The following KCNH7 variants were observed in gnomAD, a reference collection of about 807,000 sequenced individuals.
KCNH7 encodes potassium voltage-gated channel subfamily H member 7.
KCNH7 carries 49 observed loss-of-function variants against 120.8 expected under a neutral mutation model. That is an observed-to-expected ratio of 0.41 (90% CI 0.32 to 0.51). The LOEUF is 0.51. Among genes scored for constraint, KCNH7 ranks in the 20% least tolerant of loss-of-function variants. The pLI is 0.38. For missense variants in KCNH7, 1,097 were observed against 1,446.6 expected, an observed-to-expected ratio of 0.76 and a Z score of 3.92; for synonymous variants, 547 against 516.1, an observed-to-expected ratio of 1.06 and a Z score of -0.81.
intron 2 of KCNH7, among the ~76,000 whole-genome samples, chr2:162,834,015 T>C (rs2105623845): frequency 6.6e-6 from 1 of 152,210 alleles, no homozygotes; most frequent in East Asian, 1.9e-4. Context: ...CAAAAGTCAA[T>C]GGCATCAATA....
At chr2:162,419,609 G>C (rs888796768) in intron 9 of KCNH7, among the ~76,000 whole-genome samples, 8 of 152,010 alleles carry the variant, frequency 5.3e-5, no homozygotes, top group Non-Finnish European at 1.2e-4. Context: ...TGGGGGAGGA[G>C]GTGCTATTTT....
chr2:162,596,781 G>A (rs1694394303), intron 2 of KCNH7, among the ~76,000 whole-genome samples: 2 of 152,028 alleles, frequency 1.3e-5, no homozygotes, highest in Admixed American at 1.3e-4. Flanking sequence ...TATGGAATGG[G>A]AGAAAATATT....
intron 6 of KCNH7, among the ~76,000 whole-genome samples, chr2:162,496,607 G>A (rs147953874): frequency 5.7e-4 from 87 of 152,168 alleles, no homozygotes; most frequent in Admixed American, 1.8e-3. Context: ...GTATCCATGT[G>A]CCTACTTTTT....
intron 2 of KCNH7, among the ~76,000 whole-genome samples, chr2:162,627,514 A>G (rs1683602388): frequency 6.6e-6 from 1 of 152,236 alleles, no homozygotes; most frequent in South Asian, 2.1e-4. Context: ...AAATACTAAG[A>G]TAACACATAG....
intron 9 of KCNH7, among the ~76,000 whole-genome samples, chr2:162,405,439 CAAAG>C (rs1040944836): frequency 1.3e-5 from 2 of 151,722 alleles, no homozygotes; most frequent in Non-Finnish European, 2.9e-5. Flanking sequence ...TCACACAAAA[CAAAG>C]AGAGAGCAAA....
At chr2:162,732,488 A>C (rs1478740839) in intron 2 of KCNH7, among the ~76,000 whole-genome samples, 3 of 148,590 alleles carry the variant, frequency 2.0e-5, no homozygotes, top group Admixed American at 1.3e-4. Context: ...TTACTGGTTA[A>C]AGATAGAGTG....
chr2:162,822,878 C>T (rs375220531), intron 2 of KCNH7, among the ~76,000 whole-genome samples: 24 of 152,290 alleles, frequency 1.6e-4, no homozygotes, highest in South Asian at 1.2e-3. Flanking sequence ...GGCACAAGCC[C>T]GCACTCCTGT....
At chr2:162,469,505 T>A (rs1689422592) in intron 6 of KCNH7, among the ~76,000 whole-genome samples, 1 of 148,984 alleles carries the variant, frequency 6.7e-6, no homozygotes, top group South Asian at 2.1e-4. Context: ...GTTGAGTGAA[T>A]CTTAAAGGAT....
intron 2 of KCNH7, among the ~76,000 whole-genome samples, chr2:162,541,544 A>C (rs930627541): frequency 6.6e-6 from 1 of 152,120 alleles, no homozygotes; most frequent in Non-Finnish European, 1.5e-5. Flanking sequence ...TTTCAGGGAC[A>C]TGAATAGAGT....
intron 2 of KCNH7, among the ~76,000 whole-genome samples, chr2:162,726,136 C>A (rs1181797474): frequency 1.3e-5 from 2 of 152,054 alleles, no homozygotes; most frequent in Admixed American, 1.3e-4. Context: ...AAATTTTCAT[C>A]TATAATTTTG....
chr2:162,534,366 T>C (rs1692034580), intron 3 of KCNH7, among the ~76,000 whole-genome samples: 2 of 151,208 alleles, frequency 1.3e-5, no homozygotes, highest in Admixed American at 1.3e-4. Flanking sequence ...TACTGATTAA[T>C]CAACAATTTT....
At chr2:162,579,813 C>CT (rs113283141) in intron 2 of KCNH7, among the ~76,000 whole-genome samples, 24 of 150,218 alleles carry the variant, frequency 1.6e-4, no homozygotes, top group East Asian at 7.8e-4. Context: ...ATAGAAAACA[C>CT]TTTTTTTTTT....
At chr2:162,450,537 G>T (rs1288784995) in intron 6 of KCNH7, among the ~76,000 whole-genome samples, 1 of 152,036 alleles carries the variant, frequency 6.6e-6, no homozygotes, top group Non-Finnish European at 1.5e-5. Flanking sequence ...TCCAAATGCA[G>T]TCATCATTAC....
rs1688665641 is a variant in KCNH7 at position 162,753,168 on chromosome 2, T to TAAGAAACAAAGTAAGAA, written c.307+83368_307+83369insTTCTTACTTTGTTTCTT. Among the ~76,000 whole-genome samples the TAAGAAACAAAGTAAGAA allele has an allele frequency of 2.0e-5, 3 of 151,920 alleles. No homozygotes were observed. The South Asian group carries it at 6.2e-4, about 31-fold the overall frequency. On this transcript the variant is annotated intron_variant, in intron 2 of 15. Transcript: ENST00000332142. ...TTTGGCCCTGTCTTTGTTTCTTTCT[T>TAAGAAACAAAGTAAGAA]ACTTGTTTGCTCATCGTGAGAATGG...
At chr2:162,484,106 T>C (rs1322391349) in intron 6 of KCNH7, among the ~76,000 whole-genome samples, 1 of 152,090 alleles carries the variant, frequency 6.6e-6, no homozygotes, top group Non-Finnish European at 1.5e-5. Context: ...AGAACTTGGA[T>C]GACTAGAATT....
intron 2 of KCNH7, among the ~76,000 whole-genome samples, chr2:162,633,797 C>G (rs1158523883): frequency 1.3e-5 from 2 of 151,964 alleles, no homozygotes; most frequent in Non-Finnish European, 2.9e-5. Flanking sequence ...TGCTTTAATA[C>G]TTGATAGGGC....
chr2:162,637,563 T>A (rs1407674888), intron 2 of KCNH7, among the ~76,000 whole-genome samples: 4 of 152,108 alleles, frequency 2.6e-5, no homozygotes, highest in Non-Finnish European at 5.9e-5. Flanking sequence ...AACAACATAC[T>A]GTATACTTAA....
At chr2:162,813,458 T>C (rs1684805689) in intron 2 of KCNH7, among the ~76,000 whole-genome samples, 1 of 152,182 alleles carries the variant, frequency 6.6e-6, no homozygotes, top group Admixed American at 6.5e-5. Flanking sequence ...GGGTGATTGG[T>C]GAGGCTCATT....
At chr2:162,710,793 A>T (rs1686901108) in intron 2 of KCNH7, among the ~76,000 whole-genome samples, 2 of 152,174 alleles carry the variant, frequency 1.3e-5, no homozygotes, top group Admixed American at 6.6e-5. Context: ...ACTTAGTGCA[A>T]CCAGATCTTC....
Sources: allele counts gnomAD v4.1 joint callset (sites outside exome capture counted in the v4.1 genomes callset), GRCh38; gene constraint gnomAD v4.1.1; transcripts MANE v1.5; gene names NCBI Gene and HGNC (gene_info 2026-07-23, HGNC 2026-07-21).